The following CNIH1 variants were observed in gnomAD, a reference collection of about 807,000 sequenced individuals.
The protein encoded by CNIH1 is cornichon family member 1.
A neutral mutation model predicts 20.2 loss-of-function variants in CNIH1; 12 were observed. That is an observed-to-expected ratio of 0.59 (90% confidence interval 0.38 to 0.96). The LOEUF is 0.96. Among genes scored for constraint, CNIH1 ranks in the 40% least tolerant of loss-of-function variants. The probability of loss-of-function intolerance (pLI) is 0.00; values close to 1 mark genes in which losing one functional copy is unlikely to be tolerated. For missense variants in CNIH1, 152 were observed against 178.8 expected (o/e 0.85, Z 0.85); for synonymous variants, 69 against 63.3 (o/e 1.09, Z -0.43).
Position 54,435,373 on chromosome 14 carries a change from T to A in CNIH1, c.150+996A>T, listed in dbSNP as rs182947397. ...CCTGGGCAATATAGAGACACCCCCA[T>A]CTCAAAAGAAAATTTAAAAATACAT... On this transcript the variant is annotated intron_variant, in intron 2 of 4. Coordinates refer to ENST00000216416, the MANE Select transcript of CNIH1 (RefSeq NM_005776.3). Among the ~76,000 whole-genome samples the A allele has an allele frequency of 1.4e-4, 21 of 152,104 alleles. No homozygotes were observed. In the East Asian group the frequency reaches 4.1e-3, roughly 29 times the overall value.
At chr14:54,441,097 C>T (rs1035196172) in intron 1 of CNIH1, 150 bp downstream of exon 1, 1 of 821,976 alleles carries the variant, frequency 1.2e-6, no homozygotes, top group Non-Finnish European at 1.6e-6. Flanking sequence ...ACCCGCGGCC[C>T]CCAGACCCCT....
intron 4 of CNIH1, 83 bp from the exon 5 acceptor site, chr14:54,427,924 T>C (rs1419957482): frequency 5.7e-6 from 7 of 1,229,700 alleles, no homozygotes; most frequent in African/African-American, 3.0e-5. Context: ...ATGCTTTATA[T>C]AGCAAACTAG....
At chr14:54,436,155 G>A (rs2140005280) in intron 2 of CNIH1, 2 of 704,646 alleles carry the variant, frequency 2.8e-6, no homozygotes. Flanking sequence ...AAAGCAGATT[G>A]GAAGAATGTT....
chr14:54,439,843 C>A (rs2031133738), intron 1 of CNIH1, among the ~76,000 whole-genome samples: 1 of 152,098 alleles, frequency 6.6e-6, no homozygotes, highest in South Asian at 2.1e-4. Context: ...AGCCACCGCG[C>A]CCGGCCATGG....
chr14:54,433,813 C>G (rs2030996062), intron 2 of CNIH1, among the ~76,000 whole-genome samples: 3 of 152,124 alleles, frequency 2.0e-5, no homozygotes, highest in Admixed American at 6.5e-5. Context: ...ACCCCTCCCG[C>G]TCTTAATATT....
intron 1 of CNIH1, among the ~76,000 whole-genome samples, chr14:54,439,789 A>T (rs1167480355): frequency 1.3e-5 from 2 of 151,850 alleles, no homozygotes; most frequent in Non-Finnish European, 2.9e-5. Flanking sequence ...TGACCTCGTG[A>T]TCCTCCCGCC....
At position 54,430,308 on chromosome 14, in the gene CNIH1, C is replaced by T; in HGVS notation, c.360G>A (p.Trp120Ter). ...DILAYCQKEG[W>*]CKLAFYLLAF... is the part of the protein sequence containing the mutation. ...CTAGAAGATAAAAAGCTAATTTGCA[C>T]CATCCTTCCTTCTGACAATATGCTA... is the stretch of plus-strand genomic sequence containing the variant. The change falls in exon 4 of 5, where the codon TGG becomes TGA. Residue 120 changes from tryptophan (W) to a stop codon, truncating the protein, a stop_gained. Coordinates refer to ENST00000216416, the MANE Select transcript of CNIH1 (RefSeq NM_005776.3). LOFTEE classifies it high-confidence loss of function. The T allele has an allele frequency of 6.2e-7, 1 of 1,614,112 alleles. No individual in the cohort carries two copies. Among genetic ancestry groups the T allele is most frequent in the Non-Finnish European group, 8.5e-7 (1 of 1,179,970 alleles).
chr14:54,436,330 T>C (rs2031053638), intron 2 of CNIH1, 39 bp downstream of exon 2: 1 of 1,167,808 alleles, frequency 8.6e-7, no homozygotes, highest in Admixed American at 1.9e-5. Flanking sequence ...AACAAACATA[T>C]TTTTAAAATC....
chr14:54,435,189 C>T (rs1221677438), intron 2 of CNIH1, among the ~76,000 whole-genome samples: 6 of 152,116 alleles, frequency 3.9e-5, no homozygotes, highest in Admixed American at 3.9e-4. Flanking sequence ...CAATTACTGA[C>T]CAGTCAGGCA....
chr14:54,440,102 G>A (rs1594620704), intron 1 of CNIH1, among the ~76,000 whole-genome samples: 1 of 152,206 alleles, frequency 6.6e-6, no homozygotes, highest in South Asian at 2.1e-4. Context: ...AAAAAGGAAT[G>A]GATTTGTGAT....
At chr14:54,432,347 G>T in intron 2 of CNIH1, 127 bp from the exon 3 acceptor site, 4 of 513,410 alleles carry the variant, frequency 7.8e-6, no homozygotes, top group Non-Finnish European at 1.1e-5. Flanking sequence ...AGAAATAAAA[G>T]ATGCTACTGA....
chr14:54,441,091 G>T (rs868142430), intron 1 of CNIH1, among the ~76,000 whole-genome samples, 156 bp downstream of exon 1: 4 of 151,366 alleles, frequency 2.6e-5, no homozygotes, highest in African/African-American at 9.7e-5. Flanking sequence ...TCCAGTACCC[G>T]CGGCCCCCAG....
Position 54,441,350 on chromosome 14 carries a change from G to A in CNIH1, c.-23C>T. 6.7e-7 allele frequency: 1 copy of A among 1,485,424 alleles called. No homozygotes were observed. Among genetic ancestry groups the A allele is most frequent in the Admixed American group, 2.2e-5 (1 of 46,160 alleles). The allele number at this position is 1,485,424 out of a possible 1,614,324, so 92.0% of individuals were successfully genotyped here. ...CATGGCTGGGGAGGAGGAGCGGGGA[G>A]CGGCGCCGTTGCCAGCGGAGAAAGG... On this transcript the variant is annotated 5_prime_UTR_variant, in exon 1 of 5. Transcript: ENST00000216416.
intron 4 of CNIH1, 93 bp from the exon 5 acceptor site, chr14:54,427,934 G>T: frequency 2.6e-6 from 3 of 1,168,928 alleles, no homozygotes; most frequent in Non-Finnish European, 3.8e-6. Context: ...TAGCAAACTA[G>T]TATCACAGAA....
intron 2 of CNIH1, among the ~76,000 whole-genome samples, chr14:54,435,052 C>A (rs2031029720): frequency 6.6e-6 from 1 of 151,880 alleles, no homozygotes; most frequent in African/African-American, 2.4e-5. Context: ...AGTGCTAGTA[C>A]ACTAGTATGC....
At chr14:54,439,298 T>A (rs73257060) in intron 1 of CNIH1, among the ~76,000 whole-genome samples, 8,661 of 152,136 alleles carry the variant, frequency 0.057, 580 homozygotes, top group African/African-American at 0.15. Context: ...TTTTTTTTCA[T>A]TGTATAACAC....
At chr14:54,434,365 CA>C (rs1273085347) in intron 2 of CNIH1, among the ~76,000 whole-genome samples, 1 of 152,154 alleles carries the variant, frequency 6.6e-6, no homozygotes, top group Non-Finnish European at 1.5e-5. Context: ...AGGAATCGCA[CA>C]TTACCTGTTA....
rs754343420 is a variant in CNIH1, at chr14:54,425,538, C to A, written c.*2276G>T. On this transcript the variant is annotated 3_prime_UTR_variant, in exon 5 of 5. Transcript: ENST00000216416. ...AAAGAGATTGATGTGGAAAATAAAT[C>A]CAGAGCAATGAAAAGAGCCAGTCGG... is the stretch of plus-strand genomic sequence containing the variant. The A allele has an allele frequency of 7.2e-5, 11 of 152,162 alleles. No individual in the cohort carries two copies. Among genetic ancestry groups the A allele is most frequent in the Non-Finnish European group, 1.0e-4 (7 of 68,024 alleles). The allele number at this position is 152,162 out of a possible 1,614,324, so 9.4% of individuals were successfully genotyped here.
Position 54,441,244 on chromosome 14 carries a change from C to G in CNIH1, c.81+3G>C. On this transcript the variant is annotated splice_donor_region_variant and intron_variant, in intron 1 of 4. Coordinates refer to ENST00000216416, the MANE Select transcript of CNIH1 (RefSeq NM_005776.3). ...CCTCCTTTCCCCAGCCCCAGCTACTCACGTGCCAAATGGCGAAGAAGATGA... is the reference window on the plus strand; with the variant it reads ...CCTCCTTTCCCCAGCCCCAGCTACTGACGTGCCAAATGGCGAAGAAGATGA... 6.6e-7 allele frequency: 1 copy of G among 1,512,550 alleles called. No homozygotes were observed. Among genetic ancestry groups the G allele is most frequent in the Non-Finnish European group, 8.9e-7 (1 of 1,128,364 alleles). The allele number at this position is 1,512,550 out of a possible 1,614,324, so 93.7% of individuals were successfully genotyped here. A position where few individuals can be genotyped will look rare whatever the true frequency, so the allele number is the denominator to read the frequency against.
Sources: gnomAD v4.1 joint callset for allele counts (sites outside exome capture counted in the v4.1 genomes callset) on GRCh38, gnomAD v4.1.1 for gene constraint, MANE v1.5 for transcripts, NCBI Gene and HGNC (gene_info 2026-07-23, HGNC 2026-07-21) for gene names.